The following KCNQ5 variants were observed in gnomAD, a reference collection of about 807,000 sequenced individuals.
KCNQ5 encodes potassium voltage-gated channel subfamily KQT member 5.
KCNQ5 carries 30 observed loss-of-function variants against 98.2 expected under a neutral mutation model. The observed-to-expected ratio is 0.31, with a 90% CI of 0.23 to 0.41. The LOEUF is 0.41. KCNQ5 is among the 10% of genes least tolerant of loss of function. KCNQ5 has a pLI of 1.00. For synonymous variants in KCNQ5, 458 were observed against 449.4 expected, an observed-to-expected ratio of 1.02 and a Z score of -0.24; for missense variants, 835 against 1,182.5, an observed-to-expected ratio of 0.71 and a Z score of 4.31.
intron 1 of KCNQ5, among the ~76,000 whole-genome samples, chr6:73,001,023 T>A (rs1332738976): frequency 6.6e-6 from 1 of 152,238 alleles, no homozygotes; most frequent in East Asian, 1.9e-4. Context: ...TTTGCCTCAT[T>A]CATTTTCTGA....
At chr6:72,944,737 T>G (rs1237367970) in intron 1 of KCNQ5, among the ~76,000 whole-genome samples, 1 of 152,172 alleles carries the variant, frequency 6.6e-6, no homozygotes, top group Non-Finnish European at 1.5e-5. Flanking sequence ...CACCAACCTG[T>G]GGCAGCCTAC....
intron 1 of KCNQ5, among the ~76,000 whole-genome samples, chr6:72,671,599 G>A (rs1767109265): frequency 6.6e-6 from 1 of 151,900 alleles, no homozygotes; most frequent in African/African-American, 2.4e-5. Flanking sequence ...ATTTATTTAA[G>A]AAAAAGCACC....
chr6:72,770,365 A>G (rs1772801261), intron 1 of KCNQ5, among the ~76,000 whole-genome samples: 1 of 152,146 alleles, frequency 6.6e-6, no homozygotes, highest in Non-Finnish European at 1.5e-5. Flanking sequence ...AAGCATTGGT[A>G]GATGATGGTG....
rs1772437506 is a variant in KCNQ5 at position 73,055,408 on chromosome 6, T to C, written c.616+13346T>C. ...ATAAAGCAGAAACTGCTGCAAAACA[T>C]AGTGAAGCCCAGGTGAAGATCTGCA... On this transcript the variant is annotated intron_variant, in intron 3 of 13. Transcript: ENST00000370398. 7.3e-6 allele frequency: 11 copies of C among 1,516,818 alleles called. No individual in the cohort carries two copies. The South Asian group carries it at 9.0e-5, about 12-fold the overall frequency. The allele number at this position is 1,516,818 out of a possible 1,614,324, so 94.0% of individuals were successfully genotyped here.
chr6:72,881,574 T>C (rs1200926781), intron 1 of KCNQ5, among the ~76,000 whole-genome samples: 3 of 152,216 alleles, frequency 2.0e-5, no homozygotes, highest in African/African-American at 7.2e-5. Flanking sequence ...CTAAAGCAGA[T>C]GAATGAGGAT....
At chr6:73,120,940 C>T (rs773973969) in intron 8 of KCNQ5, among the ~76,000 whole-genome samples, 1 of 152,102 alleles carries the variant, frequency 6.6e-6, no homozygotes, top group African/African-American at 2.4e-5. Context: ...ATCGCCTGAC[C>T]CCAAGAGATG....
chr6:72,805,017 A>AT (rs1183807922), intron 1 of KCNQ5, among the ~76,000 whole-genome samples: 1 of 151,896 alleles, frequency 6.6e-6, no homozygotes, highest in African/African-American at 2.4e-5. Flanking sequence ...AGATTATTGG[A>AT]TTTTTTTCTG....
At chr6:73,089,624 T>G (rs2350364) in intron 5 of KCNQ5, among the ~76,000 whole-genome samples, 132,660 of 152,128 alleles carry the variant, frequency 0.87, 58,563 homozygotes, top group South Asian at 0.96. Context: ...TGCATCCTCA[T>G]AGTTTAGCTC....
At chr6:72,854,756 GTT>G (rs1777451046) in intron 1 of KCNQ5, among the ~76,000 whole-genome samples, 2 of 69,890 alleles carry the variant, frequency 2.9e-5, no homozygotes, top group Admixed American at 1.3e-4. Flanking sequence ...ACACACCATG[GTT>G]TGTGTGTGTG....
At chr6:72,813,722 G>A (rs942436767) in intron 1 of KCNQ5, among the ~76,000 whole-genome samples, 4 of 152,062 alleles carry the variant, frequency 2.6e-5, no homozygotes, top group Non-Finnish European at 5.9e-5. Flanking sequence ...TATGGCCAAA[G>A]CACATTCTCT....
chr6:73,111,698 A>G (rs186206135), intron 7 of KCNQ5, among the ~76,000 whole-genome samples: 23 of 152,328 alleles, frequency 1.5e-4, no homozygotes, highest in African/African-American at 5.1e-4. Flanking sequence ...GAATTATCTA[A>G]TATGTCTTAT....
intron 1 of KCNQ5, among the ~76,000 whole-genome samples, chr6:72,988,827 C>T (rs1255656294): frequency 1.0e-5 from 1 of 98,430 alleles, no homozygotes; most frequent in African/African-American, 3.9e-5. Context: ...CACCACAGTC[C>T]CCAGAGTGTG....
At chr6:73,140,286 T>G (rs920130902) in intron 10 of KCNQ5, among the ~76,000 whole-genome samples, 11 of 152,218 alleles carry the variant, frequency 7.2e-5, no homozygotes, top group African/African-American at 2.4e-4. Flanking sequence ...CTCCCTCATG[T>G]TTTTCTCAGT....
intron 1 of KCNQ5, among the ~76,000 whole-genome samples, chr6:72,687,384 C>G (rs1768009243): frequency 6.6e-6 from 1 of 152,158 alleles, no homozygotes; most frequent in African/African-American, 2.4e-5. Flanking sequence ...ATCTGTTCAG[C>G]AAATATTGAG....
intron 7 of KCNQ5, among the ~76,000 whole-genome samples, chr6:73,116,952 C>T (rs925379930): frequency 1.3e-5 from 2 of 152,140 alleles, no homozygotes; most frequent in African/African-American, 4.8e-5. Context: ...ACTTGCAAGA[C>T]AAACAAAATA....
intron 2 of KCNQ5, among the ~76,000 whole-genome samples, chr6:73,005,800 T>C (rs72945367): frequency 5.3e-5 from 8 of 152,340 alleles, no homozygotes; most frequent in Non-Finnish European, 1.0e-4. Flanking sequence ...GCTACAGATA[T>C]ATATTCGCAG....
chr6:73,073,341 A>G (rs1350386601), intron 3 of KCNQ5, among the ~76,000 whole-genome samples: 1 of 152,178 alleles, frequency 6.6e-6, no homozygotes, highest in African/African-American at 2.4e-5. Flanking sequence ...AATGTACATC[A>G]GGGTTTCTCA....
chr6:72,636,148 A>C (rs1337245240), intron 1 of KCNQ5, among the ~76,000 whole-genome samples: 1 of 152,202 alleles, frequency 6.6e-6, no homozygotes, highest in Non-Finnish European at 1.5e-5. Context: ...GTTAAGAAAT[A>C]AATTAGAAAT....
chr6:72,756,418 A>G (rs1380049728), intron 1 of KCNQ5, among the ~76,000 whole-genome samples: 2 of 152,192 alleles, frequency 1.3e-5, no homozygotes, highest in Non-Finnish European at 1.5e-5. Context: ...AAATGGCTCA[A>G]AGCATTTGGG....
Sources: allele counts gnomAD v4.1 joint callset (sites outside exome capture counted in the v4.1 genomes callset), GRCh38; gene constraint gnomAD v4.1.1; transcripts MANE v1.5; gene names NCBI Gene and HGNC (gene_info 2026-07-23, HGNC 2026-07-21).